ANKRD44: variants seen among roughly 807,000 people sequenced by gnomAD.
ANKRD44 encodes serine/threonine-protein phosphatase 6 regulatory ankyrin repeat subunit B.
Under a neutral mutation model 116.0 loss-of-function variants are expected in ANKRD44, and 35 were observed. The observed-to-expected ratio is 0.30, with a 90% CI of 0.23 to 0.40. The LOEUF is 0.40. Among genes scored for constraint, ANKRD44 ranks in the 10% least tolerant of loss-of-function variants. ANKRD44 has a pLI of 1.00. For synonymous variants in ANKRD44, 435 were observed against 461.8 expected, an observed-to-expected ratio of 0.94 and a Z score of 0.74; for missense variants, 1,014 against 1,242.6, an observed-to-expected ratio of 0.82 and a Z score of 2.77.
intron 16 of ANKRD44, among the ~76,000 whole-genome samples, chr2:197,036,109 A>G (rs879744173): frequency 1.8e-4 from 27 of 152,264 alleles, no homozygotes; most frequent in African/African-American, 6.3e-4. Context: ...GTTCCCAGAA[A>G]TTGTTATTAA....
At chr2:197,176,558 A>G (rs1413468248) in intron 2 of ANKRD44, among the ~76,000 whole-genome samples, 1 of 152,206 alleles carries the variant, frequency 6.6e-6, no homozygotes, top group East Asian at 1.9e-4. Flanking sequence ...TAAATGAAAT[A>G]TATTAAGTGA....
chr2:197,265,467 G>A (rs1271298986), intron 1 of ANKRD44, among the ~76,000 whole-genome samples: 6 of 152,094 alleles, frequency 3.9e-5, no homozygotes, highest in Non-Finnish European at 5.9e-5. Flanking sequence ...GGCTGGTCTC[G>A]AACTCTTGAC....
At chr2:197,015,691 T>G (rs911142180) in intron 17 of ANKRD44, 1 of 551,470 alleles carries the variant, frequency 1.8e-6, no homozygotes, top group Non-Finnish European at 3.3e-6. Flanking sequence ...GTGTAATGGA[T>G]TTGGAGGTGA....
chr2:197,306,314 G>T (rs990309219), intron 1 of ANKRD44, among the ~76,000 whole-genome samples: 2 of 152,134 alleles, frequency 1.3e-5, no homozygotes, highest in African/African-American at 2.4e-5. Flanking sequence ...ATCACTTACT[G>T]GGCGTATGAC....
intron 2 of ANKRD44, among the ~76,000 whole-genome samples, chr2:197,168,821 C>T (rs1017290150): frequency 2.0e-5 from 3 of 152,176 alleles, no homozygotes; most frequent in South Asian, 2.1e-4. Flanking sequence ...ATGTGAGTGG[C>T]GCCCCCTAGA....
At chr2:197,112,624 C>A (rs1304378046) in intron 8 of ANKRD44, among the ~76,000 whole-genome samples, 2 of 149,468 alleles carry the variant, frequency 1.3e-5, no homozygotes, top group African/African-American at 4.9e-5. Context: ...AGGAGAATGG[C>A]GTGAACCCGG....
At chr2:197,002,295 T>C (rs1453113520) in intron 21 of ANKRD44, among the ~76,000 whole-genome samples, 1 of 152,182 alleles carries the variant, frequency 6.6e-6, no homozygotes. Context: ...CATGTGAAAA[T>C]TGACTATAAA....
At chr2:197,162,314 G>A (rs770611728) in intron 2 of ANKRD44, among the ~76,000 whole-genome samples, 1 of 152,176 alleles carries the variant, frequency 6.6e-6, no homozygotes, top group Non-Finnish European at 1.5e-5. Flanking sequence ...GAATGCCACT[G>A]AACAAAGCCA....
intron 16 of ANKRD44, among the ~76,000 whole-genome samples, chr2:197,070,741 G>C (rs2077541789): frequency 6.6e-6 from 1 of 151,880 alleles, no homozygotes; most frequent in Non-Finnish European, 1.5e-5. Context: ...TTAATATCAA[G>C]GTATTACCTT....
At chr2:197,278,482 G>T (rs771126885) in intron 1 of ANKRD44, among the ~76,000 whole-genome samples, 34 of 151,412 alleles carry the variant, frequency 2.2e-4, no homozygotes, top group Non-Finnish European at 4.3e-4. Flanking sequence ...TCAGCCTCCC[G>T]AGTAGCTGGG....
chr2:197,284,703 T>C (rs993090539), intron 1 of ANKRD44, among the ~76,000 whole-genome samples: 3 of 151,988 alleles, frequency 2.0e-5, no homozygotes, highest in South Asian at 2.1e-4. Context: ...CTGGCCAACA[T>C]GGTGAAACCC....
chr2:197,084,375 T>C (rs139014488), intron 13 of ANKRD44, among the ~76,000 whole-genome samples: 1 of 152,174 alleles, frequency 6.6e-6, no homozygotes, highest in Non-Finnish European at 1.5e-5. Flanking sequence ...TTCTCTTTAG[T>C]TTGTCTAAGA....
chr2:196,999,113 G>A, intron 23 of ANKRD44, 61 bp from the exon 24 acceptor site: 5 of 1,580,748 alleles, frequency 3.2e-6, no homozygotes, highest in Non-Finnish European at 4.3e-6. Flanking sequence ...GCTAGTTACT[G>A]CCCAAGAAAC....
intron 1 of ANKRD44, among the ~76,000 whole-genome samples, chr2:197,187,412 C>A (rs1442058341): frequency 6.6e-6 from 1 of 152,184 alleles, no homozygotes; most frequent in Admixed American, 6.5e-5. Context: ...AAATCCCTGA[C>A]AAGGAAACTA....
At chr2:197,035,405 C>T (rs1167903709) in intron 16 of ANKRD44, among the ~76,000 whole-genome samples, 2 of 152,114 alleles carry the variant, frequency 1.3e-5, no homozygotes, top group African/African-American at 4.8e-5. Context: ...AAAAGTATAG[C>T]TGGTGTGTCT....
In ANKRD44 at chr2:197,298,984, CT is replaced by C. The variant is rs556478925; in HGVS notation, c.27+11593del. ...GTTTCTAGTTTTGTAAAAGGACTCT[CT>C]TTTTAAACATAACCACAATATCCTA... On this transcript the variant is annotated intron_variant, in intron 1 of 27. Transcript: ENST00000282272. Among the ~76,000 whole-genome samples, 211 of 152,184 alleles carry C rather than the reference CT, an allele frequency of 1.4e-3. 5 individuals are homozygous for C. Among genetic ancestry groups the C allele is most frequent in the Admixed American group, 0.011 (173 of 15,292 alleles).
intron 1 of ANKRD44, among the ~76,000 whole-genome samples, chr2:197,291,965 T>C (rs1185311263): frequency 1.3e-5 from 2 of 152,208 alleles, no homozygotes; most frequent in Non-Finnish European, 1.5e-5. Flanking sequence ...AGGATGATGG[T>C]TTCCACCTCC....
intron 1 of ANKRD44, among the ~76,000 whole-genome samples, chr2:197,191,201 C>A (rs1288923261): frequency 6.6e-6 from 1 of 152,190 alleles, no homozygotes; most frequent in African/African-American, 2.4e-5. Flanking sequence ...CAGAAGGACA[C>A]TTCCTGGGCC....
chr2:197,205,322 C>G (rs1328998558), intron 1 of ANKRD44, among the ~76,000 whole-genome samples: 1 of 152,150 alleles, frequency 6.6e-6, no homozygotes, highest in Non-Finnish European at 1.5e-5. Context: ...GTTTTACCCA[C>G]CTGGCCAGTA....
Sources: gnomAD v4.1 joint callset for allele counts (sites outside exome capture counted in the v4.1 genomes callset) on GRCh38, gnomAD v4.1.1 for gene constraint, MANE v1.5 for transcripts, NCBI Gene and HGNC (gene_info 2026-07-23, HGNC 2026-07-21) for gene names.